RAG1: variants seen among roughly 807,000 people sequenced by gnomAD.
RAG1 encodes recombination activating 1.
A neutral mutation model predicts 62.7 loss-of-function variants in RAG1; 35 were observed. That is an observed-to-expected ratio of 0.56 (90% CI 0.43 to 0.74). RAG1 has a LOEUF of 0.74. RAG1 is among the 30% of genes least tolerant of loss of function. The pLI is 0.00. For missense variants in RAG1, 1,169 were observed against 1,278.6 expected, an observed-to-expected ratio of 0.91 and a Z score of 1.31; for synonymous variants, 461 against 470.3, an observed-to-expected ratio of 0.98 and a Z score of 0.26.
upstream of RAG1, among the ~76,000 whole-genome samples, chr11:36,563,955 T>C (rs1850625478): frequency 1.3e-5 from 2 of 152,222 alleles, no homozygotes; most frequent in African/African-American, 4.8e-5. Flanking sequence ...ATTTAGGTCA[T>C]GTTCCTCCTA....
chr11:36,541,361 A>C (rs1313814829), intron 3 of RAG1, among the ~76,000 whole-genome samples: 1 of 152,232 alleles, frequency 6.6e-6, no homozygotes, highest in Non-Finnish European at 1.5e-5. Context: ...ACTGTGGCAC[A>C]TGAAATGATT....
At chr11:36,535,164 A>G (rs117782796) in intron 2 of RAG1, among the ~76,000 whole-genome samples, 1,738 of 152,126 alleles carry the variant, frequency 0.011, 18 homozygotes, top group East Asian at 0.03. Flanking sequence ...AATAGGGTGT[A>G]AAGTCTGAAA....
At chr11:36,542,156 CCT>C (rs752340908) in intron 3 of RAG1, among the ~76,000 whole-genome samples, 1 of 152,062 alleles carries the variant, frequency 6.6e-6, no homozygotes, top group African/African-American at 2.4e-5. Flanking sequence ...CACTATCTTC[CCT>C]CTCTTTATTA....
chr11:36,544,094 C>CT, intron 3 of RAG1, among the ~76,000 whole-genome samples: 1 of 152,274 alleles, frequency 6.6e-6, no homozygotes, highest in Non-Finnish European at 1.5e-5. Context: ...CCTTTAGCCA[C>CT]TTTTTTAGGG....
intron 2 of RAG1, among the ~76,000 whole-genome samples, chr11:36,524,657 T>G (rs1860133647): frequency 6.6e-6 from 1 of 152,010 alleles, no homozygotes; most frequent in Admixed American, 6.5e-5. Context: ...TCTGGCTATT[T>G]TTTGTAATTT....
chr11:36,533,051 A>T (rs1039825165), intron 2 of RAG1, among the ~76,000 whole-genome samples: 1 of 152,026 alleles, frequency 6.6e-6, no homozygotes, highest in African/African-American at 2.4e-5. Context: ...TTTCACGTGT[A>T]GTTCTCAAGA....
intron 2 of RAG1, among the ~76,000 whole-genome samples, chr11:36,523,676 T>C (rs948761373): frequency 1.3e-5 from 2 of 152,252 alleles, no homozygotes; most frequent in Non-Finnish European, 2.9e-5. Flanking sequence ...ATGTTTGGCT[T>C]GGGCTTCCAT....
chr11:36,573,968 A>C lies in RAG1; in HGVS notation c.664A>C (p.Lys222Gln). ...DICNTARRGL[K>Q]RKSLQPNLQL... ...CTGCAACACTGCCCGTCGGGGACTC[A>C]AGAGGAAGAGTCTTCAGCCAAACTT... The change falls in exon 2 of 2, where the codon AAG (lysine) becomes CAG (glutamine). Residue 222 changes from lysine to glutamine, a missense_variant. Physicochemically the swap from Lys to Gln is moderately conservative, Grantham distance 53. Coordinates refer to ENST00000299440, the MANE Select transcript of RAG1 (RefSeq NM_000448.3). 1 of 1,614,144 alleles carries C rather than the reference A, an allele frequency of 6.2e-7. No homozygotes were observed. The highest frequency in any genetic ancestry group is 8.5e-7 in the Non-Finnish European group (1 of 1,180,030).
At chr11:36,551,308 A>G (rs1172573025) in intron 3 of RAG1, among the ~76,000 whole-genome samples, 1 of 152,140 alleles carries the variant, frequency 6.6e-6, no homozygotes, top group Admixed American at 6.6e-5. Flanking sequence ...CTAAGTTTCC[A>G]CTAATGGCTA....
intron 3 of RAG1, among the ~76,000 whole-genome samples, chr11:36,542,338 T>G (rs373260231): frequency 1.3e-4 from 20 of 152,332 alleles, no homozygotes; most frequent in African/African-American, 4.3e-4. Context: ...TTGTGAAGGT[T>G]GTACACAGGG....
intron 1 of RAG1, among the ~76,000 whole-genome samples, chr11:36,512,152 C>T (rs911287938): frequency 1.3e-5 from 2 of 152,186 alleles, no homozygotes; most frequent in Non-Finnish European, 2.9e-5. Flanking sequence ...TACCATTTCC[C>T]TTTGCAATCA....
chr11:36,526,133 G>A (rs963038363), intron 2 of RAG1, among the ~76,000 whole-genome samples: 5 of 152,072 alleles, frequency 3.3e-5, no homozygotes, highest in East Asian at 1.9e-4. Context: ...TGTGCACAAC[G>A]TGCAGGTTTG....
At chr11:36,517,921 T>C (rs1413818529) in intron 1 of RAG1, among the ~76,000 whole-genome samples, 5 of 151,908 alleles carry the variant, frequency 3.3e-5, no homozygotes, top group African/African-American at 4.8e-5. Flanking sequence ...ATGTGCCATG[T>C]TGGTGTGCTG....
intron 1 of RAG1, among the ~76,000 whole-genome samples, chr11:36,512,177 A>T (rs5030412): frequency 9.9e-4 from 150 of 152,274 alleles, no homozygotes; most frequent in African/African-American, 3.0e-3. Context: ...GGGCCACGTG[A>T]CTAGTTCTGG....
Position 36,573,473 on chromosome 11 carries a change from C to T in RAG1, c.169C>T (p.Pro57Ser). The T allele has an allele frequency of 6.2e-7, 1 of 1,614,178 alleles. No individual in the cohort carries two copies. The highest frequency in any genetic ancestry group is 8.5e-7 in the Non-Finnish European group (1 of 1,180,044). ...KEKKDSFEGK[P>S]SLEQSPAVLD... ...AAAGAAGGATTCCTTTGAGGGGAAA[C>T]CCTCTCTGGAGCAATCTCCAGCAGT... Residue 57 changes from proline to serine, a missense_variant, in exon 2 of 2, where the codon CCC becomes TCC. Pro to Ser is a moderately conservative substitution (Grantham distance 74). This residue lies in a region of RAG1 where 369 missense variants were observed against 335.3 expected (regional missense o/e 1.10). Transcript: ENST00000299440.
rs745458919 is a variant in RAG1, at chr11:36,576,375, G to A, written c.3071G>A (p.Ser1024Asn). 6.2e-7 allele frequency: 1 copy of A among 1,614,066 alleles called. No individual in the cohort carries two copies. The highest frequency in any genetic ancestry group is 8.5e-7 in the Non-Finnish European group (1 of 1,179,960). ...GGGTTTACCATGAACCCTCAGGCAA[G>A]CTTAGGGGACCCATTAGGCATAGAG... ...TSGFTMNPQA[S>N]LGDPLGIEDS... Residue 1024 changes from serine (S) to asparagine (N), a missense_variant, in exon 2 of 2, where the codon AGC (serine) becomes AAC (asparagine). By Grantham distance (46) the Ser-to-Asn change is conservative. Around this residue, in one of 2 missense-constraint regions of RAG1, gnomAD observed 800 missense variants for 943.3 expected, o/e 0.85. Transcript: ENST00000299440.
At position 36,575,475 on chromosome 11, in the gene RAG1, CT is replaced by C; in HGVS notation, c.2172del (p.Gly725AlafsTer25). Reference sequence around the variant, plus strand: ...CGGGAAGTGGAAGGCCTCGAGGCTTCTGGCTCAGTCTACATTTGTACTCTTT... The same window carrying C: ...CGGGAAGTGGAAGGCCTCGAGGCTTCGGCTCAGTCTACATTTGTACTCTTT... ...LVREVEGLEA[S>X]GSVYICTLCD... On this transcript the variant is annotated frameshift_variant, in exon 2 of 2. Transcript: ENST00000299440. LOFTEE classifies it high-confidence loss of function. This position sits in a 1 kb window ranked among gnomAD's most constrained non-coding sequence, Gnocchi z 4.1. The C allele has an allele frequency of 6.2e-7, 1 of 1,614,194 alleles. No individual in the cohort carries two copies. Among genetic ancestry groups the C allele is most frequent in the Non-Finnish European group, 8.5e-7 (1 of 1,180,040 alleles).
chr11:36,524,400 G>C (rs1411001163), intron 2 of RAG1, among the ~76,000 whole-genome samples: 1 of 150,704 alleles, frequency 6.6e-6, no homozygotes, highest in Non-Finnish European at 1.5e-5. Context: ...TCTCTACCAA[G>C]GTACATTCCC....
chr11:36,518,862 CA>C (rs1362662126), intron 1 of RAG1, among the ~76,000 whole-genome samples: 1 of 152,074 alleles, frequency 6.6e-6, no homozygotes, highest in Non-Finnish European at 1.5e-5. Flanking sequence ...TCCCATTTGT[CA>C]ATTTTGTCTT....
Sources: gnomAD v4.1 joint callset for allele counts (sites outside exome capture counted in the v4.1 genomes callset) on GRCh38, gnomAD v4.1.1 for gene constraint, gnomAD v4.1.1 regional missense constraint, Gnocchi (gnomAD v3.1) non-coding constraint, MANE v1.5 for transcripts, NCBI Gene and HGNC (gene_info 2026-07-23, HGNC 2026-07-21) for gene names.